METTL15: variants seen among roughly 807,000 people sequenced by gnomAD.
The protein encoded by METTL15 is methyltransferase 15, mitochondrial 12S rRNA N4-cytidine.
A neutral mutation model predicts 38.3 loss-of-function variants in METTL15; 34 were observed. The ratio of observed to expected loss-of-function variants is 0.89; its 90% CI spans 0.68 to 1.18. The LOEUF (loss-of-function observed/expected upper bound fraction) is 1.18, where lower values mean the gene tolerates loss of function less well. METTL15 is among the 50% of genes most tolerant of loss of function. The pLI, the probability that METTL15 is intolerant of heterozygous loss-of-function variation, is 0.00. For synonymous variants in METTL15, 162 were observed against 170.9 expected (o/e 0.95, Z 0.41); for missense variants, 438 against 498.4 (o/e 0.88, Z 1.15).
intron 4 of METTL15, among the ~76,000 whole-genome samples, chr11:28,226,960 A>G (rs1458101683): frequency 6.6e-6 from 1 of 151,870 alleles, no homozygotes; most frequent in Admixed American, 6.6e-5. Flanking sequence ...ACCATTTTGA[A>G]CTATTGATGA....
At chr11:28,376,618 G>A (rs1380637146) in intron 5 of METTL15, among the ~76,000 whole-genome samples, 1 of 152,064 alleles carries the variant, frequency 6.6e-6, no homozygotes, top group Non-Finnish European at 1.5e-5. Context: ...TATCCAATTT[G>A]CCAGTCTGTG....
chr11:28,228,744 A>G (rs1257004338), intron 4 of METTL15, among the ~76,000 whole-genome samples: 2 of 151,964 alleles, frequency 1.3e-5, no homozygotes, highest in Admixed American at 1.3e-4. Context: ...TATATTAAAT[A>G]TTCATTGAAG....
intron 6 of METTL15, among the ~76,000 whole-genome samples, chr11:28,452,097 A>T (rs1028634180): frequency 3.3e-5 from 5 of 152,188 alleles, no homozygotes; most frequent in African/African-American, 1.2e-4. Context: ...GACATATTCC[A>T]CCTTTGAATA....
chr11:28,377,088 C>T (rs11030306), intron 5 of METTL15, among the ~76,000 whole-genome samples: 34,503 of 112,336 alleles, frequency 0.31, 5,809 homozygotes, highest in Non-Finnish European at 0.41. Context: ...TGGCTGCCCT[C>T]AACATTTTTT....
chr11:28,531,216 G>A (rs1369616473), downstream of METTL15, among the ~76,000 whole-genome samples: 2 of 151,952 alleles, frequency 1.3e-5, no homozygotes, highest in African/African-American at 4.8e-5. Context: ...CTAAAATGAT[G>A]ACAAAAACCA....
At chr11:28,277,951 T>C (rs1441867958) in intron 4 of METTL15, among the ~76,000 whole-genome samples, 1 of 152,014 alleles carries the variant, frequency 6.6e-6, no homozygotes, top group African/African-American at 2.4e-5. Context: ...TACAAACATA[T>C]AGTTGGAAGG....
intron 2 of METTL15, among the ~76,000 whole-genome samples, chr11:28,110,695 A>G (rs954843621): frequency 1.3e-5 from 2 of 152,082 alleles, no homozygotes; most frequent in African/African-American, 4.8e-5. Flanking sequence ...TAAAAATTAC[A>G]TTTTCAAACA....
At chr11:28,373,972 T>C (rs1850275766) in intron 5 of METTL15, among the ~76,000 whole-genome samples, 1 of 152,120 alleles carries the variant, frequency 6.6e-6, no homozygotes, top group African/African-American at 2.4e-5. Flanking sequence ...GATCAGATAG[T>C]TGTAGTTATG....
At chr11:28,217,771 A>G (rs1277810091) in intron 4 of METTL15, among the ~76,000 whole-genome samples, 2 of 152,164 alleles carry the variant, frequency 1.3e-5, no homozygotes, top group Non-Finnish European at 2.9e-5. Context: ...TCAGCTTTCT[A>G]CATATGGCTA....
chr11:28,366,221 G>A (rs1287108318), intron 5 of METTL15, among the ~76,000 whole-genome samples: 7 of 151,934 alleles, frequency 4.6e-5, no homozygotes, highest in African/African-American at 1.7e-4. Context: ...AAGAACAGGA[G>A]CAACTCAGTG....
chr11:28,361,598 G>T (rs2133368306), intron 4 of METTL15, among the ~76,000 whole-genome samples: 1 of 152,140 alleles, frequency 6.6e-6, no homozygotes, highest in East Asian at 1.9e-4. Context: ...CTCTAAATGA[G>T]GAGTTCTAAT....
At chr11:28,356,775 G>C (rs1850093494) in intron 4 of METTL15, among the ~76,000 whole-genome samples, 1 of 152,172 alleles carries the variant, frequency 6.6e-6, no homozygotes. Flanking sequence ...TATTTCACAG[G>C]TTAATACCAT....
intron 3 of METTL15, among the ~76,000 whole-genome samples, chr11:28,152,523 C>CT (rs1048544031): frequency 2.1e-4 from 32 of 151,136 alleles, no homozygotes; most frequent in East Asian, 3.9e-4. Context: ...GGAAACGTTT[C>CT]TTTTTTTTAA....
downstream of METTL15, among the ~76,000 whole-genome samples, chr11:28,530,764 T>A (rs1177238519): frequency 2.0e-5 from 3 of 152,042 alleles, no homozygotes; most frequent in Non-Finnish European, 2.9e-5. Context: ...TTTGTAATAA[T>A]GAAAGAAAAA....
At chr11:28,186,973 G>C (rs1851518821) in intron 3 of METTL15, among the ~76,000 whole-genome samples, 1 of 150,874 alleles carries the variant, frequency 6.6e-6, no homozygotes, top group Non-Finnish European at 1.5e-5. Flanking sequence ...AATAACTACA[G>C]TGTTAATATA....
chr11:28,235,414 G>T (rs1424793471), intron 4 of METTL15, among the ~76,000 whole-genome samples: 1 of 151,734 alleles, frequency 6.6e-6, no homozygotes, highest in East Asian at 1.9e-4. Flanking sequence ...CCATTTTCAC[G>T]ATATTGATTC....
At chr11:28,333,740 TGTA>T (rs1184712769), downstream of METTL15, among the ~76,000 whole-genome samples, 3 of 151,980 alleles carry the variant, frequency 2.0e-5, no homozygotes, top group East Asian at 3.9e-4. Flanking sequence ...TTCTATTTCA[TGTA>T]GTATATGATA....
intron 6 of METTL15, among the ~76,000 whole-genome samples, chr11:28,487,892 G>A (rs1321441762): frequency 2.0e-5 from 3 of 152,094 alleles, no homozygotes; most frequent in African/African-American, 7.2e-5. Context: ...TTACTAAATG[G>A]AGGGAACCAC....
At chr11:28,478,281 T>G (rs940174193) in intron 6 of METTL15, among the ~76,000 whole-genome samples, 1 of 152,176 alleles carries the variant, frequency 6.6e-6, no homozygotes, top group Admixed American at 6.5e-5. Context: ...TTTTTATGAA[T>G]TCAAGCTCTG....
Sources: gnomAD v4.1 joint callset for allele counts (sites outside exome capture counted in the v4.1 genomes callset) on GRCh38, gnomAD v4.1.1 for gene constraint, MANE v1.5 for transcripts, NCBI Gene and HGNC (gene_info 2026-07-23, HGNC 2026-07-21) for gene names.